The following ADARB2 variants were observed in gnomAD, a reference collection of about 807,000 sequenced individuals.
ADARB2 encodes inactive double-stranded RNA-specific editase B2.
ADARB2 carries 25 observed loss-of-function variants against 62.2 expected under a neutral mutation model. That is an observed-to-expected ratio of 0.40 (90% CI 0.29 to 0.56). The LOEUF is 0.56. ADARB2 is among the 20% of genes least tolerant of loss of function. The probability of loss-of-function intolerance (pLI) is 0.43; values close to 1 mark genes in which losing one functional copy is unlikely to be tolerated. For missense variants in ADARB2, 1,071 were observed against 1,077.4 expected (o/e 0.99, Z 0.08); for synonymous variants, 572 against 500.8 (o/e 1.14, Z -1.90).
chr10:1,405,837 A>G (rs551563530), intron 1 of ADARB2, among the ~76,000 whole-genome samples: 1 of 151,908 alleles, frequency 6.6e-6, no homozygotes, highest in South Asian at 2.1e-4. Context: ...ACACCTGTTT[A>G]TTAAACCTTC....
chr10:1,356,816 A>G (rs1832200458), intron 3 of ADARB2, among the ~76,000 whole-genome samples: 1 of 152,220 alleles, frequency 6.6e-6, no homozygotes, highest in Non-Finnish European at 1.5e-5. Flanking sequence ...AAACAAGCCA[A>G]TTGTGAAATC....
At chr10:1,609,408 C>T (rs888752456) in intron 1 of ADARB2, among the ~76,000 whole-genome samples, 1 of 152,200 alleles carries the variant, frequency 6.6e-6, no homozygotes, top group Admixed American at 6.5e-5. Flanking sequence ...GAAGGCGGCA[C>T]CCCCACCTGC....
chr10:1,322,823 G>A (rs1041882639), intron 3 of ADARB2, among the ~76,000 whole-genome samples: 5 of 152,180 alleles, frequency 3.3e-5, no homozygotes, highest in African/African-American at 1.2e-4. Context: ...GGCATTAAGT[G>A]TATAATTTTA....
intron 3 of ADARB2, among the ~76,000 whole-genome samples, chr10:1,288,548 C>T (rs1000129684): frequency 6.6e-6 from 1 of 152,234 alleles, no homozygotes; most frequent in Non-Finnish European, 1.5e-5. Context: ...CTGGAAGTCA[C>T]ACTAGTTCCA....
chr10:1,576,764 G>C (rs2131997263), intron 1 of ADARB2, among the ~76,000 whole-genome samples: 1 of 152,282 alleles, frequency 6.6e-6, no homozygotes, highest in East Asian at 1.9e-4. Flanking sequence ...GTCTCTCAAG[G>C]AAAGGCCCTT....
intron 1 of ADARB2, among the ~76,000 whole-genome samples, chr10:1,532,798 G>A (rs556168407): frequency 2.2e-4 from 34 of 152,218 alleles, no homozygotes; most frequent in African/African-American, 7.7e-4. Context: ...TGAGGGCACA[G>A]GCAGGAGCCT....
At chr10:1,489,009 G>T (rs1325479927) in intron 1 of ADARB2, among the ~76,000 whole-genome samples, 1 of 152,220 alleles carries the variant, frequency 6.6e-6, no homozygotes, top group Non-Finnish European at 1.5e-5. Context: ...CAGCTTCAGG[G>T]GGCACAGGCT....
intron 4 of ADARB2, among the ~76,000 whole-genome samples, chr10:1,264,822 TC>T (rs1453247423): frequency 6.6e-6 from 1 of 152,192 alleles, no homozygotes; most frequent in Non-Finnish European, 1.5e-5. Context: ...TGTGCATTTT[TC>T]CAGGGCAGTT....
intron 1 of ADARB2, chr10:1,395,000 G>T: frequency 2.2e-6 from 1 of 454,044 alleles, no homozygotes; most frequent in Non-Finnish European, 4.4e-6. Context: ...GCTCCCTGCA[G>T]CCTCGAACTC....
chr10:1,562,689 A>G (rs967423110), intron 1 of ADARB2, among the ~76,000 whole-genome samples: 1 of 152,208 alleles, frequency 6.6e-6, no homozygotes, highest in Admixed American at 6.5e-5. Context: ...ATTGGGCTAG[A>G]CCTGAATTCA....
intron 1 of ADARB2, among the ~76,000 whole-genome samples, chr10:1,402,812 C>T (rs976491798): frequency 6.6e-6 from 1 of 152,240 alleles, no homozygotes; most frequent in Non-Finnish European, 1.5e-5. Context: ...AAAGGGACTC[C>T]ACAATTTGCA....
At chr10:1,369,235 T>C (rs574619576) in intron 2 of ADARB2, among the ~76,000 whole-genome samples, 1 of 152,282 alleles carries the variant, frequency 6.6e-6, no homozygotes, top group Admixed American at 6.5e-5. Context: ...TATAAAAACC[T>C]AGAGATAAAA....
chr10:1,703,499 C>T (rs934443501), intron 1 of ADARB2, among the ~76,000 whole-genome samples: 3 of 152,042 alleles, frequency 2.0e-5, no homozygotes, highest in Non-Finnish European at 2.9e-5. Flanking sequence ...AGGGATGATC[C>T]AGCAGAGAGG....
chr10:1,414,567 C>T (rs1832785996), intron 1 of ADARB2, among the ~76,000 whole-genome samples: 1 of 152,196 alleles, frequency 6.6e-6, no homozygotes, highest in African/African-American at 2.4e-5. Flanking sequence ...GCTAAACTGT[C>T]ACAGCTGTAA....
intron 1 of ADARB2, among the ~76,000 whole-genome samples, chr10:1,697,181 G>T (rs1000573861): frequency 6.6e-6 from 1 of 152,082 alleles, no homozygotes; most frequent in Non-Finnish European, 1.5e-5. Context: ...ACTGCTGTGG[G>T]TCTGGTTATT....
intron 2 of ADARB2, among the ~76,000 whole-genome samples, chr10:1,375,140 C>A (rs1832411097): frequency 6.6e-6 from 1 of 152,198 alleles, no homozygotes. Context: ...AACCTCTTTT[C>A]AGCACAACTC....
intron 8 of ADARB2, among the ~76,000 whole-genome samples, chr10:1,187,367 C>T (rs772341591): frequency 4.0e-5 from 6 of 151,768 alleles, no homozygotes; most frequent in Admixed American, 1.3e-4. Context: ...CGTCACCAGG[C>T]GGCCTCCCCT....
At chr10:1,422,011 G>A (rs574457460) in intron 1 of ADARB2, among the ~76,000 whole-genome samples, 2 of 152,162 alleles carry the variant, frequency 1.3e-5, no homozygotes, top group South Asian at 2.1e-4. Flanking sequence ...GGCTTGAGGT[G>A]CCTGCATCTG....
At chr10:1,296,027 G>A (rs1337236153) in intron 3 of ADARB2, among the ~76,000 whole-genome samples, 1 of 152,224 alleles carries the variant, frequency 6.6e-6, no homozygotes, top group East Asian at 1.9e-4. Flanking sequence ...CAGCTGTGCT[G>A]TGGGGTCAGG....
Sources: gnomAD v4.1 joint callset for allele counts (sites outside exome capture counted in the v4.1 genomes callset) on GRCh38, gnomAD v4.1.1 for gene constraint, MANE v1.5 for transcripts, NCBI Gene and HGNC (gene_info 2026-07-23, HGNC 2026-07-21) for gene names.